PLXDC2: variants seen among roughly 807,000 people sequenced by gnomAD.
The protein encoded by PLXDC2 is plexin domain-containing protein 2.
PLXDC2 carries 40 observed loss-of-function variants against 68.9 expected under a neutral mutation model. The ratio of observed to expected loss-of-function variants is 0.58; its 90% CI spans 0.45 to 0.76. The LOEUF (loss-of-function observed/expected upper bound fraction) is 0.76, where lower values mean the gene tolerates loss of function less well. PLXDC2 is among the 30% of genes least tolerant of loss of function. The pLI, the probability that PLXDC2 is intolerant of heterozygous loss-of-function variation, is 0.00. For missense variants in PLXDC2, 644 were observed against 661.9 expected (o/e 0.97, Z 0.30); for synonymous variants, 243 against 234.2 (o/e 1.04, Z -0.34).
intron 13 of PLXDC2, among the ~76,000 whole-genome samples, chr10:20,270,143 A>ACT (rs1173499510): frequency 6.6e-6 from 1 of 152,196 alleles, no homozygotes; most frequent in Admixed American, 6.6e-5. Context: ...GGGAGTTAGA[A>ACT]GACTATTGGT....
chr10:20,040,857 A>G (rs891562900), intron 2 of PLXDC2, among the ~76,000 whole-genome samples: 5 of 152,258 alleles, frequency 3.3e-5, no homozygotes, highest in African/African-American at 1.2e-4. Context: ...GTTGTAGACT[A>G]GTACCTTAAA....
intron 2 of PLXDC2, among the ~76,000 whole-genome samples, chr10:20,029,715 C>A (rs1249458262): frequency 6.6e-6 from 1 of 152,130 alleles, no homozygotes; most frequent in Non-Finnish European, 1.5e-5. Flanking sequence ...GAGAATATTT[C>A]TGCAAAATCA....
chr10:20,066,741 A>C (rs540554172), intron 3 of PLXDC2, among the ~76,000 whole-genome samples: 2 of 152,358 alleles, frequency 1.3e-5, no homozygotes, highest in African/African-American at 4.8e-5. Flanking sequence ...ATGCCAAATA[A>C]GTAATTAGAA....
intron 4 of PLXDC2, among the ~76,000 whole-genome samples, chr10:20,140,217 T>C (rs1406986439): frequency 6.6e-6 from 1 of 152,018 alleles, no homozygotes; most frequent in Non-Finnish European, 1.5e-5. Context: ...GGAGAATGGC[T>C]GAACCTGGGA....
At chr10:20,174,456 C>G (rs1212240516) in intron 7 of PLXDC2, among the ~76,000 whole-genome samples, 6 of 152,054 alleles carry the variant, frequency 3.9e-5, no homozygotes, top group African/African-American at 1.4e-4. Flanking sequence ...GATTAGAGTT[C>G]TTAAACAGTG....
At chr10:19,959,406 A>C (rs922667007) in intron 1 of PLXDC2, among the ~76,000 whole-genome samples, 1 of 152,230 alleles carries the variant, frequency 6.6e-6, no homozygotes, top group Non-Finnish European at 1.5e-5. Flanking sequence ...CTACTAAAAA[A>C]TAATTCATCA....
chr10:20,026,838 T>C (rs11011744), intron 2 of PLXDC2, among the ~76,000 whole-genome samples: 1,792 of 138,520 alleles, frequency 0.013, 68 homozygotes, highest in East Asian at 0.084. Context: ...ATATAGAATA[T>C]ACTTTTATAA....
intron 1 of PLXDC2, among the ~76,000 whole-genome samples, chr10:19,966,656 C>G (rs1388946422): frequency 6.6e-6 from 1 of 152,102 alleles, no homozygotes; most frequent in East Asian, 1.9e-4. Context: ...ACTAGTCTTT[C>G]TCTTCCTTTT....
intron 1 of PLXDC2, among the ~76,000 whole-genome samples, chr10:19,914,820 A>T (rs1833336481): frequency 6.6e-6 from 1 of 152,142 alleles, no homozygotes; most frequent in Admixed American, 6.5e-5. Context: ...TTAAAATTGT[A>T]TGTCTTCTTG....
At position 20,209,748 on chromosome 10, in the gene PLXDC2, A is replaced by G. The variant is rs186588248; in HGVS notation, c.1062-1921A>G. 4.4e-3 allele frequency among the ~76,000 whole-genome samples: 664 copies of G among 152,248 alleles called. 1 individual carries two copies. Among genetic ancestry groups the G allele is most frequent in the Non-Finnish European group, 6.6e-3 (449 of 68,008 alleles). ...GCTCTACAATTTGTGCAGTTAATGCAGTCATCACAGGGTCCTGAGGCGACA... is the reference window on the plus strand; with the variant it reads ...GCTCTACAATTTGTGCAGTTAATGCGGTCATCACAGGGTCCTGAGGCGACA... On this transcript the variant is annotated intron_variant, in intron 9 of 13. Coordinates refer to ENST00000377252, the MANE Select transcript of PLXDC2 (RefSeq NM_032812.9).
In PLXDC2 at chr10:20,095,395, C is replaced by G. The variant is rs1442479903; in HGVS notation, c.541+27156C>G. Among the ~76,000 whole-genome samples the G allele has an allele frequency of 5.9e-5, 9 of 151,866 alleles. 1 individual carries two copies. ...TACAAAGTGGTGAGGAAACACAAGG[C>G]AAAGAACAACTAACTTACTTGGACA... is the stretch of plus-strand genomic sequence containing the variant. On this transcript the variant is annotated intron_variant, in intron 4 of 13. Transcript: ENST00000377252.
intron 1 of PLXDC2, among the ~76,000 whole-genome samples, chr10:19,844,676 A>G (rs1836970141): frequency 6.6e-6 from 1 of 151,648 alleles, no homozygotes; most frequent in African/African-American, 2.4e-5. Context: ...TCTCACTGCA[A>G]CCTCTGCCTT....
chr10:20,078,216 G>GA (rs1017275836), intron 4 of PLXDC2, among the ~76,000 whole-genome samples: 19 of 149,452 alleles, frequency 1.3e-4, no homozygotes, highest in Middle Eastern at 6.9e-3. Context: ...TATCTCTTCA[G>GA]AAAAAAAAAA....
chr10:20,162,047 AG>A lies in PLXDC2; in HGVS notation c.784-2420del, dbSNP rs1241237383. Among the ~76,000 whole-genome samples the A allele has an allele frequency of 4.4e-3, 163 of 37,108 alleles. 2 individuals are homozygous for A. Among genetic ancestry groups the A allele is most frequent in the African/African-American group, 0.019 (155 of 8,218 alleles). The allele number at this position is 37,108 out of a possible 152,430, so 24.3% of individuals were successfully genotyped here. The stretch of plus-strand genomic sequence containing the variant: ...GAAAAAGAAAGAAAGAAAGAAAGAG[AG>A]AGAGAGAGAGAGAGAGAGAGAGAGA... On this transcript the variant is annotated intron_variant, in intron 6 of 13. Coordinates refer to ENST00000377252, the MANE Select transcript of PLXDC2 (RefSeq NM_032812.9).
At chr10:19,951,186 A>G (rs1205160052) in intron 1 of PLXDC2, among the ~76,000 whole-genome samples, 1 of 152,198 alleles carries the variant, frequency 6.6e-6, no homozygotes, top group Non-Finnish European at 1.5e-5. Context: ...AAAAGAAGCT[A>G]TCAACAGAAT....
chr10:19,897,536 C>T (rs111928918), intron 1 of PLXDC2, among the ~76,000 whole-genome samples: 15,358 of 152,138 alleles, frequency 0.1, 1,170 homozygotes, highest in African/African-American at 0.21. Flanking sequence ...TGAGCCACCA[C>T]GCCGGGCCAA....
intron 1 of PLXDC2, among the ~76,000 whole-genome samples, chr10:19,986,651 C>G (rs553572620): frequency 6.6e-6 from 1 of 152,206 alleles, no homozygotes; most frequent in African/African-American, 2.4e-5. Flanking sequence ...CACTTCACTC[C>G]AGAGCAGTGT....
intron 1 of PLXDC2, among the ~76,000 whole-genome samples, chr10:19,962,989 CA>C (rs56922353): frequency 0.45 from 39,786 of 88,140 alleles, 5,680 homozygotes; most frequent in South Asian, 0.55. Context: ...GACTACGTCT[CA>C]AAAAAAAAAA....
chr10:19,948,446 A>G (rs7920361), intron 1 of PLXDC2, among the ~76,000 whole-genome samples: 67,544 of 146,844 alleles, frequency 0.46, 16,129 homozygotes, highest in African/African-American at 0.63. Flanking sequence ...GTTAAGAATG[A>G]TTTTGATCTT....
Sources: gnomAD v4.1 joint callset for allele counts (sites outside exome capture counted in the v4.1 genomes callset) on GRCh38, gnomAD v4.1.1 for gene constraint, MANE v1.5 for transcripts, NCBI Gene and HGNC (gene_info 2026-07-23, HGNC 2026-07-21) for gene names.